TUBB2B: variants seen among roughly 807,000 people sequenced by gnomAD.
TUBB2B encodes tubulin beta 2B class IIb, also known as tubulin beta-2B chain.
A neutral mutation model predicts 35.0 loss-of-function variants in TUBB2B; 5 were observed. That is an observed-to-expected ratio of 0.14 (90% CI 0.07 to 0.30). The LOEUF (loss-of-function observed/expected upper bound fraction) is 0.30, where lower values mean the gene tolerates loss of function less well. Among genes scored for constraint, TUBB2B ranks in the 10% least tolerant of loss-of-function variants. TUBB2B has a pLI of 1.00. For synonymous variants in TUBB2B, 166 were observed against 250.5 expected (o/e 0.66, Z 3.18); for missense variants, 63 against 601.8 (o/e 0.10, Z 9.37).
rs925482102 is a variant in TUBB2B at position 3,226,792 on chromosome 6, C to T, written c.58-123G>A. The T allele has an allele frequency of 4.5e-6, 4 of 882,600 alleles. No individual in the cohort carries two copies. The highest frequency in any genetic ancestry group is 2.7e-5 in the South Asian group (2 of 74,908). The allele number at this position is 882,600 out of a possible 1,614,324, so 54.7% of individuals were successfully genotyped here. A position where few individuals can be genotyped will look rare whatever the true frequency, so the allele number is the denominator to read the frequency against. On this transcript the variant is annotated intron_variant, in intron 1 of 3. Coordinates refer to ENST00000259818, the MANE Select transcript of TUBB2B (RefSeq NM_178012.5). This position sits in a 1 kb window ranked among gnomAD's most constrained non-coding sequence, Gnocchi z 5.5. ...TTCAGGAGCTTGAAGCTTTAAAGGG[C>T]GTCGTGACCCGGGCACAGCCGCGGG...
Position 3,225,076 on chromosome 6 carries a change from C to T in TUBB2B, c.1013G>A (p.Ser338Asn). The change falls in exon 4 of 4, where the codon AGC (serine) becomes AAC (asparagine). Residue 338 changes from serine to asparagine, a missense_variant. Around this residue, in one of 4 missense-constraint regions of TUBB2B, gnomAD observed 18 missense variants for 145.0 expected, o/e 0.12. Transcript: ENST00000259818. ...EQMLNVQNKN[S>N]SYFVEWIPNN... Reference sequence around the variant, plus strand: ...GGGGATCCACTCCACGAAGTAGCTGCTGTTCTTGTTCTGCACGTTGAGCAT... The same window carrying T: ...GGGGATCCACTCCACGAAGTAGCTGTTGTTCTTGTTCTGCACGTTGAGCAT... The T allele has an allele frequency of 1.1e-6, 1 of 894,252 alleles. No homozygotes were observed. Among genetic ancestry groups the T allele is most frequent in the Non-Finnish European group, 1.6e-6 (1 of 619,650 alleles). 55.4% of individuals were successfully genotyped at this position (894,252 alleles called of 1,614,324 possible).
chr6:3,226,749 G>T lies in TUBB2B; in HGVS notation c.58-80C>A. ...CTCACAATGAAATGTCCCCGACTCA[G>T]TTCCGACAACCCAACATTTCAGGAG... On this transcript the variant is annotated intron_variant, in intron 1 of 3. Transcript: ENST00000259818. The surrounding 1 kb of genome is among the most constrained non-coding windows in gnomAD (Gnocchi z 5.5). 8.1e-7 allele frequency: 1 copy of T among 1,228,172 alleles called. No homozygotes were observed. 76.1% of individuals were successfully genotyped at this position (1,228,172 alleles called of 1,614,324 possible).
rs1261426632 is a variant in TUBB2B at position 3,225,198 on chromosome 6, C to T, written c.891G>A (p.Lys297=). The T allele has an allele frequency of 4.3e-6, 5 of 1,154,936 alleles. No homozygotes were observed. The highest frequency in any genetic ancestry group is 1.2e-6 in the Non-Finnish European group (1 of 849,266). 71.5% of individuals were successfully genotyped at this position (1,154,936 alleles called of 1,614,324 possible). A position where few individuals can be genotyped will look rare whatever the true frequency, so the allele number is the denominator to read the frequency against. The stretch of plus-strand genomic sequence containing the variant: ...GCGGGTCGCAGGCGGCCATCATGTT[C>T]TTGGAGTCGAACATCTGCTGGGTGA... ...PELTQQMFDS[K]NMMAACDPRH... The change falls in exon 4 of 4, where the codon AAG becomes AAA. Residue 297 remains lysine, a synonymous_variant. Transcript: ENST00000259818.
rs758623480 is a variant in TUBB2B at position 3,226,275 on chromosome 6, A to G, written c.167-6T>C. The G allele has an allele frequency of 3.1e-6, 5 of 1,610,946 alleles. No individual in the cohort carries two copies. In the South Asian group the frequency reaches 3.3e-5, roughly 11 times the overall value. ...CCGAGGAACATATTTGTTACCTGCA[A>G]GGAACAACAGTGACTTAGACCCTCA... On this transcript the variant is annotated splice_polypyrimidine_tract_variant and splice_region_variant and intron_variant, in intron 2 of 3. Coordinates refer to ENST00000259818, the MANE Select transcript of TUBB2B (RefSeq NM_178012.5). The surrounding 1 kb of genome is among the most constrained non-coding windows in gnomAD (Gnocchi z 5.5).
In TUBB2B at chr6:3,227,375, G is replaced by T; in HGVS notation, c.57+112C>A. 1 of 1,416,312 alleles carries T rather than the reference G, an allele frequency of 7.1e-7. No individual in the cohort carries two copies. The highest frequency in any genetic ancestry group is 9.6e-7 in the Non-Finnish European group (1 of 1,039,658). 87.7% of individuals were successfully genotyped at this position (1,416,312 alleles called of 1,614,324 possible). On this transcript the variant is annotated intron_variant, in intron 1 of 3. Transcript: ENST00000259818. This position sits in a 1 kb window ranked among gnomAD's most constrained non-coding sequence, Gnocchi z 7.8. The stretch of plus-strand genomic sequence containing the variant: ...CTCGGCGGCACAAAGCGGCCAGGAA[G>T]GTCTGCATTTGGCGATCCCCAGGCC...
rs1363259061 is a variant in TUBB2B at position 3,224,620 on chromosome 6, G to C, written c.*131C>G. On this transcript the variant is annotated 3_prime_UTR_variant, in exon 4 of 4. Transcript: ENST00000259818. ...AAAAAGTGACAGGCAACAGTGAAGA[G>C]CACCAGAGACCCAGCGCACACCTAA... The C allele has an allele frequency of 5.1e-6, 7 of 1,361,132 alleles. No homozygotes were observed. Among genetic ancestry groups the C allele is most frequent in the Non-Finnish European group, 6.0e-6 (6 of 1,003,150 alleles). 84.3% of individuals were successfully genotyped at this position (1,361,132 alleles called of 1,614,324 possible).
At position 3,226,570 on chromosome 6, in the gene TUBB2B, C is replaced by A; in HGVS notation, c.157G>T (p.Glu53Ter). 1 of 1,614,028 alleles carries A rather than the reference C, an allele frequency of 6.2e-7. No individual in the cohort carries two copies. Among genetic ancestry groups the A allele is most frequent in the Non-Finnish European group, 8.5e-7 (1 of 1,179,898 alleles). ...GGGCAAGGGTGATTACCAGTGGCTT[C>A]ATTGTAGTAAACATTGATTCTCTCC... ...QLERINVYYN[E>*]ATGNKYVPRA... Residue 53 changes from glutamate (E) to a stop codon, truncating the protein, a stop_gained, in exon 2 of 4, where the codon GAA (glutamate) becomes TAA (stop). Transcript: ENST00000259818. LOFTEE classifies it high-confidence loss of function. This position sits in a 1 kb window ranked among gnomAD's most constrained non-coding sequence, Gnocchi z 5.5.
rs1399054711 is a variant in TUBB2B, at chr6:3,227,017, C to A, written c.58-348G>T. ...CTGCAGCCCGCCAGGAGCGGGTGGG[C>A]GGGGAAAGAGGAACGCAAAGGAGCT... On this transcript the variant is annotated intron_variant, in intron 1 of 3. Coordinates refer to ENST00000259818, the MANE Select transcript of TUBB2B (RefSeq NM_178012.5). This position sits in a 1 kb window ranked among gnomAD's most constrained non-coding sequence, Gnocchi z 7.8. 6.6e-6 allele frequency among the ~76,000 whole-genome samples: 1 copy of A among 152,016 alleles called. No homozygotes were observed. The highest frequency in any genetic ancestry group is 1.5e-5 in the Non-Finnish European group (1 of 67,996).
At position 3,227,466 on chromosome 6, in the gene TUBB2B, C is replaced by G. The variant is rs1403960320; in HGVS notation, c.57+21G>C. On this transcript the variant is annotated intron_variant, in intron 1 of 3. Transcript: ENST00000259818. The surrounding 1 kb of genome is among the most constrained non-coding windows in gnomAD (Gnocchi z 7.8). ...CCAGGTTCGCGCCCCCATTGGACCCCCTCCGCTGCGGCGCGCCCACCTTGG... is the reference window on the plus strand; with the variant it reads ...CCAGGTTCGCGCCCCCATTGGACCCGCTCCGCTGCGGCGCGCCCACCTTGG... The G allele has an allele frequency of 6.2e-7, 1 of 1,605,226 alleles. No homozygotes were observed. Among genetic ancestry groups the G allele is most frequent in the African/African-American group, 1.3e-5 (1 of 74,852 alleles).
rs529721446 is a variant in TUBB2B, at chr6:3,227,014, G to A, written c.58-345C>T. Among the ~76,000 whole-genome samples the A allele has an allele frequency of 6.6e-6, 1 of 152,314 alleles. No homozygotes were observed. Among genetic ancestry groups the A allele is most frequent in the South Asian group, 2.1e-4 (1 of 4,830 alleles). On this transcript the variant is annotated intron_variant, in intron 1 of 3. Transcript: ENST00000259818. This position sits in a 1 kb window ranked among gnomAD's most constrained non-coding sequence, Gnocchi z 7.8. Reference sequence around the variant, plus strand: ...GGACTGCAGCCCGCCAGGAGCGGGTGGGCGGGGAAAGAGGAACGCAAAGGA... The same window carrying A: ...GGACTGCAGCCCGCCAGGAGCGGGTAGGCGGGGAAAGAGGAACGCAAAGGA...
Position 3,225,013 on chromosome 6 carries a change from C to T in TUBB2B, c.1076G>A (p.Arg359His). ...VKTAVCDIPP[R>H]GLKMSATFIG... ...GAAGGTGGCCGACATCTTCAGGCCG[C>T]GGGGCGGGATGTCGCACACGGCCGT... The change falls in exon 4 of 4, where the codon CGC (arginine) becomes CAC (histidine). Residue 359 changes from arginine to histidine, a missense_variant. Physicochemically the swap from Arg to His is conservative, Grantham distance 29. Transcript: ENST00000259818. 3.2e-6 allele frequency: 4 copies of T among 1,258,856 alleles called. No homozygotes were observed. Among genetic ancestry groups the T allele is most frequent in the Non-Finnish European group, 4.3e-6 (4 of 926,040 alleles). 78.0% of individuals were successfully genotyped at this position (1,258,856 alleles called of 1,614,324 possible). A position where few individuals can be genotyped will look rare whatever the true frequency, so the allele number is the denominator to read the frequency against.
rs747999663 is a variant in TUBB2B at position 3,224,759 on chromosome 6, C to G, written c.1330G>C (p.Glu444Gln). ...CCGTCTCGCGGGGGCATCTACGCCTCGTCCTCGCCCTCCTCCTCCTCGAAC... is the reference window on the plus strand; with the variant it reads ...CCGTCTCGCGGGGGCATCTACGCCTGGTCCTCGCCCTCCTCCTCCTCGAAC... ...GEFEEEEGED[E>Q]A Residue 444 changes from glutamate to glutamine, a missense_variant, in exon 4 of 4, where the codon GAG (glutamate) becomes CAG (glutamine). Physicochemically the swap from Glu to Gln is conservative, Grantham distance 29. Transcript: ENST00000259818. 1 of 1,614,012 alleles carries G rather than the reference C, an allele frequency of 6.2e-7. No homozygotes were observed. The highest frequency in any genetic ancestry group is 2.2e-5 in the East Asian group (1 of 44,870).
chr6:3,227,567 G>A lies in TUBB2B; in HGVS notation c.-24C>T. ...ATGGTGCCTCGTCAGCGTCCTCCTGGTCCGGCGGCGTCTGGGTCTGTCCGT... is the reference window on the plus strand; with the variant it reads ...ATGGTGCCTCGTCAGCGTCCTCCTGATCCGGCGGCGTCTGGGTCTGTCCGT... On this transcript the variant is annotated 5_prime_UTR_variant, in exon 1 of 4. Coordinates refer to ENST00000259818, the MANE Select transcript of TUBB2B (RefSeq NM_178012.5). This position sits in a 1 kb window ranked among gnomAD's most constrained non-coding sequence, Gnocchi z 7.8. 6.2e-7 allele frequency: 1 copy of A among 1,609,942 alleles called. No individual in the cohort carries two copies.
Position 3,226,316 on chromosome 6 carries a change from A to G in TUBB2B, c.167-47T>C. ...TAGACCCTCAGGCAAGGACCTCTGC[A>G]GAGAAGGGCTTGGCGCCTGCTGCCA... On this transcript the variant is annotated intron_variant, in intron 2 of 3. Coordinates refer to ENST00000259818, the MANE Select transcript of TUBB2B (RefSeq NM_178012.5). The surrounding 1 kb of genome is among the most constrained non-coding windows in gnomAD (Gnocchi z 5.5). 2 of 1,538,052 alleles carry G rather than the reference A, an allele frequency of 1.3e-6. No homozygotes were observed. Among genetic ancestry groups the G allele is most frequent in the Non-Finnish European group, 1.8e-6 (2 of 1,113,092 alleles).
Position 3,226,686 on chromosome 6 carries a change from G to T in TUBB2B, c.58-17C>A. 3 of 1,604,370 alleles carry T rather than the reference G, an allele frequency of 1.9e-6. No individual in the cohort carries two copies. Among genetic ancestry groups the T allele is most frequent in the Non-Finnish European group, 2.6e-6 (3 of 1,171,056 alleles). On this transcript the variant is annotated splice_polypyrimidine_tract_variant and intron_variant, in intron 1 of 3. Transcript: ENST00000259818. This position sits in a 1 kb window ranked among gnomAD's most constrained non-coding sequence, Gnocchi z 5.5. ...CTCCCAAAACTGAGACAGAAAGGCTGCATTTAGCCATGAACGATGCCCCCA... is the reference window on the plus strand; with the variant it reads ...CTCCCAAAACTGAGACAGAAAGGCTTCATTTAGCCATGAACGATGCCCCCA...
chr6:3,224,595 A>T lies in TUBB2B; in HGVS notation c.*156T>A. On this transcript the variant is annotated 3_prime_UTR_variant, in exon 4 of 4. Coordinates refer to ENST00000259818, the MANE Select transcript of TUBB2B (RefSeq NM_178012.5). ...TCATCAATATTACAAAAAAGGAAAA[A>T]AAAAGTGACAGGCAACAGTGAAGAG... The T allele has an allele frequency of 8.5e-7, 1 of 1,182,012 alleles. No individual in the cohort carries two copies. The highest frequency in any genetic ancestry group is 1.2e-6 in the Non-Finnish European group (1 of 860,258). 73.2% of individuals were successfully genotyped at this position (1,182,012 alleles called of 1,614,324 possible).
Position 3,226,925 on chromosome 6 carries a change from G to A in TUBB2B, c.58-256C>T, listed in dbSNP as rs1757295061. 1.3e-5 allele frequency among the ~76,000 whole-genome samples: 2 copies of A among 152,128 alleles called. No individual in the cohort carries two copies. Among genetic ancestry groups the A allele is most frequent in the Non-Finnish European group, 2.9e-5 (2 of 68,032 alleles). On this transcript the variant is annotated intron_variant, in intron 1 of 3. Coordinates refer to ENST00000259818, the MANE Select transcript of TUBB2B (RefSeq NM_178012.5). This position sits in a 1 kb window ranked among gnomAD's most constrained non-coding sequence, Gnocchi z 5.5. ...GAGGGGGTAAGGACCAGCCAAAGCC[G>A]GGCAGTGGCGGAGCTTGGCGCACTG...
In TUBB2B at chr6:3,226,551, G is replaced by A. The variant is rs755152721; in HGVS notation, c.166+10C>T. 4 of 1,611,116 alleles carry A rather than the reference G, an allele frequency of 2.5e-6. No homozygotes were observed. Among genetic ancestry groups the A allele is most frequent in the Non-Finnish European group, 3.4e-6 (4 of 1,177,330 alleles). Reference sequence around the variant, plus strand: ...ACTGAAGGGAGTGGGGGTGGGGCAAGGGTGATTACCAGTGGCTTCATTGTA... The same window carrying A: ...ACTGAAGGGAGTGGGGGTGGGGCAAAGGTGATTACCAGTGGCTTCATTGTA... On this transcript the variant is annotated intron_variant, in intron 2 of 3. Coordinates refer to ENST00000259818, the MANE Select transcript of TUBB2B (RefSeq NM_178012.5). This position sits in a 1 kb window ranked among gnomAD's most constrained non-coding sequence, Gnocchi z 5.5.
In TUBB2B at chr6:3,226,129, C is replaced by T. The variant is rs776795179; in HGVS notation, c.277+30G>A. On this transcript the variant is annotated intron_variant, in intron 3 of 3. Transcript: ENST00000259818. This position sits in a 1 kb window ranked among gnomAD's most constrained non-coding sequence, Gnocchi z 5.5. ...CCACTGCCCAGCGTAAAATGAATCC[C>T]TCATGCTCTCAGCCACACCAGGCAC... is the stretch of plus-strand genomic sequence containing the variant. 1.1e-4 allele frequency: 180 copies of T among 1,590,430 alleles called. No individual in the cohort carries two copies. The highest frequency in any genetic ancestry group is 1.5e-4 in the Non-Finnish European group (175 of 1,159,590).
Sources: gnomAD v4.1 joint callset for allele counts (sites outside exome capture counted in the v4.1 genomes callset) on GRCh38, gnomAD v4.1.1 for gene constraint, gnomAD v4.1.1 regional missense constraint, Gnocchi (gnomAD v3.1) non-coding constraint, MANE v1.5 for transcripts, NCBI Gene and HGNC (gene_info 2026-07-23, HGNC 2026-07-21) for gene names.